FREM1: variants seen among roughly 807,000 people sequenced by gnomAD.
The protein encoded by FREM1 is FRAS1 related extracellular matrix 1, also known as FRAS1-related extracellular matrix protein 1.
A neutral mutation model predicts 210.1 loss-of-function variants in FREM1; 220 were observed. The observed-to-expected ratio is 1.05, with a 90% CI of 0.94 to 1.17. The LOEUF (loss-of-function observed/expected upper bound fraction) is 1.17, where lower values mean the gene tolerates loss of function less well. FREM1 is among the 50% of genes most tolerant of loss of function. The pLI is 0.00. For synonymous variants in FREM1, 1,189 were observed against 980.2 expected, an observed-to-expected ratio of 1.21 and a Z score of -3.98; for missense variants, 3,454 against 2,675.5, an observed-to-expected ratio of 1.29 and a Z score of -6.42.
intron 35 of FREM1, among the ~76,000 whole-genome samples, chr9:14,740,959 C>T (rs990413930): frequency 6.6e-6 from 1 of 151,984 alleles, no homozygotes; most frequent in Admixed American, 6.6e-5. Context: ...TAAGAAGCCA[C>T]TAAGTAATTC....
intron 25 of FREM1, among the ~76,000 whole-genome samples, chr9:14,772,391 T>A (rs78347187): frequency 0.078 from 11,846 of 152,072 alleles, 771 homozygotes; most frequent in African/African-American, 0.16. Context: ...TGATTAGTTA[T>A]CAAGAACTAT....
intron 1 of FREM1, among the ~76,000 whole-genome samples, chr9:14,885,261 A>G (rs1704519449): frequency 6.6e-6 from 1 of 152,104 alleles, no homozygotes; most frequent in Non-Finnish European, 1.5e-5. Context: ...TGATCTAGGT[A>G]GTTATCACCA....
At chr9:14,890,906 A>C (rs1240366030) in intron 1 of FREM1, among the ~76,000 whole-genome samples, 1 of 152,340 alleles carries the variant, frequency 6.6e-6, no homozygotes. Flanking sequence ...CCATAACTTA[A>C]AATCATGTTG....
chr9:14,792,748 G>A lies in FREM1; in HGVS notation c.3976C>T (p.Leu1326Phe), dbSNP rs760120245. 1.3e-6 allele frequency: 2 copies of A among 1,594,782 alleles called. No homozygotes were observed. The highest frequency in any genetic ancestry group is 8.5e-7 in the Non-Finnish European group (1 of 1,172,786). ...ERLPQNGQLQ[L>F]KIGRDWVPLS... ...AAAAGTAAGAAGTCACTAACCTTAAGCTGAAGTTGCCCATTTTGGGGAAGC... is the reference window on the plus strand; with the variant it reads ...AAAAGTAAGAAGTCACTAACCTTAAACTGAAGTTGCCCATTTTGGGGAAGC... Residue 1326 changes from leucine (L) to phenylalanine (F), a missense_variant, in exon 22 of 37, where the codon CTT becomes TTT. Transcript: ENST00000380880.
intron 1 of FREM1, among the ~76,000 whole-genome samples, chr9:14,888,881 C>A (rs1588611716): frequency 6.6e-6 from 1 of 152,168 alleles, no homozygotes; most frequent in South Asian, 2.1e-4. Context: ...GAAAGGCATG[C>A]TCATTAATTA....
In FREM1 at chr9:14,759,702, A is replaced by G. The variant is rs1056446866; in HGVS notation, c.5334+70T>C. ...TTGGTCACTCTGAATTTTTCTAAAAAAAATATAATGAAAGACACCAAAGAA... is the reference window on the plus strand; with the variant it reads ...TTGGTCACTCTGAATTTTTCTAAAAGAAATATAATGAAAGACACCAAAGAA... On this transcript the variant is annotated intron_variant, in intron 28 of 36. Coordinates refer to ENST00000380880, the MANE Select transcript of FREM1 (RefSeq NM_001379081.2). 2.9e-6 allele frequency: 4 copies of G among 1,381,170 alleles called. No individual in the cohort carries two copies. The African/African-American group carries it at 5.8e-5, about 20-fold the overall frequency. 85.6% of individuals were successfully genotyped at this position (1,381,170 alleles called of 1,614,324 possible).
At chr9:14,809,265 C>T (rs986147395) in intron 16 of FREM1, among the ~76,000 whole-genome samples, 6 of 152,152 alleles carry the variant, frequency 3.9e-5, no homozygotes, top group African/African-American at 1.4e-4. Context: ...AACTGTAAGT[C>T]CATTAAACCT....
At chr9:14,792,303 C>CACAG (rs369927789) in intron 22 of FREM1, among the ~76,000 whole-genome samples, 2,133 of 137,542 alleles carry the variant, frequency 0.016, 29 homozygotes, top group East Asian at 0.031. Flanking sequence ...CACACACACA[C>CACAG]AGAGAGAGAG....
In FREM1 at chr9:14,789,055, A is replaced by T. The variant is rs1202623206; in HGVS notation, c.4041T>A (p.Asp1347Glu). ...TGTGTGTGTATCTCAGCAAGTTCAGATCCACTTCCTCCTGAGTGCATTTCA... is the reference window on the plus strand; with the variant it reads ...TGTGTGTGTATCTCAGCAAGTTCAGTTCCACTTCCTCCTGAGTGCATTTCA... ...PGMKCTQEEV[D>E]LNLLRYTHTG... Residue 1347 changes from aspartate (D) to glutamate (E), a missense_variant, in exon 23 of 37, where the codon GAT (aspartate) becomes GAA (glutamate). Transcript: ENST00000380880. 1.9e-6 allele frequency: 3 copies of T among 1,608,846 alleles called. No individual in the cohort carries two copies. The South Asian group carries it at 3.3e-5, about 18-fold the overall frequency.
At chr9:14,831,844 C>T (rs981591443) in intron 10 of FREM1, among the ~76,000 whole-genome samples, 12 of 152,164 alleles carry the variant, frequency 7.9e-5, no homozygotes, top group Admixed American at 6.5e-4. Flanking sequence ...GTTCCTCTGG[C>T]GCCATGGCTC....
rs1276315780 is a variant in FREM1 at position 14,861,284 on chromosome 9, T to C, written c.330-1800A>G. 4.3e-4 allele frequency among the ~76,000 whole-genome samples: 37 copies of C among 85,448 alleles called. 6 individuals carry two copies. The highest frequency in any genetic ancestry group is 1.8e-3 in the African/African-American group (31 of 17,012). 56.1% of individuals were successfully genotyped at this position (85,448 alleles called of 152,430 possible). A position where few individuals can be genotyped will look rare whatever the true frequency, so the allele number is the denominator to read the frequency against. ...ACACATATACACATATATACATATA[T>C]ACATATATACATATATACACATATA... On this transcript the variant is annotated intron_variant, in intron 3 of 36. Transcript: ENST00000380880.
chr9:14,874,094 G>T (rs1320261697), intron 1 of FREM1, among the ~76,000 whole-genome samples: 3 of 151,950 alleles, frequency 2.0e-5, no homozygotes, highest in Non-Finnish European at 4.4e-5. Flanking sequence ...CCAACTATGT[G>T]GTCAATTTTG....
chr9:14,865,521 A>C (rs1831336387), intron 2 of FREM1, among the ~76,000 whole-genome samples: 1 of 152,232 alleles, frequency 6.6e-6, no homozygotes, highest in Non-Finnish European at 1.5e-5. Flanking sequence ...GATGTTAAAC[A>C]AAACATTTTC....
At chr9:14,765,472 T>C (rs1846227011) in intron 27 of FREM1, among the ~76,000 whole-genome samples, 1 of 152,144 alleles carries the variant, frequency 6.6e-6, no homozygotes, top group Non-Finnish European at 1.5e-5. Context: ...AAAATTAAAA[T>C]TAGTTAGTAT....
At chr9:14,764,704 A>C (rs1223178715) in intron 27 of FREM1, among the ~76,000 whole-genome samples, 3 of 152,158 alleles carry the variant, frequency 2.0e-5, no homozygotes, top group Non-Finnish European at 4.4e-5. Flanking sequence ...CCCCTGTGAC[A>C]CCGAATGGTC....
intron 29 of FREM1, among the ~76,000 whole-genome samples, chr9:14,753,933 T>G (rs1045036926): frequency 3.3e-5 from 5 of 152,222 alleles, no homozygotes; most frequent in East Asian, 1.9e-4. Flanking sequence ...AATCATAAGA[T>G]TATTTACAGC....
At chr9:14,824,273 T>C (rs1821921856) in intron 11 of FREM1, among the ~76,000 whole-genome samples, 158 bp from the exon 12 acceptor site, 1 of 152,162 alleles carries the variant, frequency 6.6e-6, no homozygotes, top group South Asian at 2.1e-4. Flanking sequence ...TAGCATTAAG[T>C]CCAGTTTCAT....
At chr9:14,905,701 C>T (rs1817567710) in intron 1 of FREM1, among the ~76,000 whole-genome samples, 1 of 152,090 alleles carries the variant, frequency 6.6e-6, no homozygotes, top group South Asian at 2.1e-4. Context: ...GCAGCCTGGC[C>T]AACATGGCAA....
intron 1 of FREM1, among the ~76,000 whole-genome samples, chr9:14,879,881 A>T (rs993806874): frequency 6.6e-5 from 10 of 152,332 alleles, no homozygotes; most frequent in African/African-American, 2.4e-4. Context: ...GTACAATATG[A>T]TAGGGGCAAT....
Sources: gnomAD v4.1 joint callset for allele counts (sites outside exome capture counted in the v4.1 genomes callset) on GRCh38, gnomAD v4.1.1 for gene constraint, MANE v1.5 for transcripts, NCBI Gene and HGNC (gene_info 2026-07-23, HGNC 2026-07-21) for gene names.